Variants in OR4Q3 observed in about 807,000 individuals in gnomAD.
The protein encoded by OR4Q3 is olfactory receptor family 4 subfamily Q member 3, also known as olfactory receptor 4Q3.
A neutral mutation model predicts 18.8 loss-of-function variants in OR4Q3; 17 were observed. The ratio of observed to expected loss-of-function variants is 0.91; its 90% CI spans 0.62 to 1.36. The LOEUF is 1.36. Ranked by LOEUF, OR4Q3 falls within the 40% of genes most tolerant of loss-of-function variation. The pLI is 0.00. For synonymous variants in OR4Q3, 158 were observed against 145.8 expected (o/e 1.08, Z -0.60); for missense variants, 378 against 373.4 (o/e 1.01, Z -0.10).
At chr14:19,744,045 A>G (rs1216614725) in intron 1 of OR4Q3, among the ~76,000 whole-genome samples, 3 of 151,292 alleles carry the variant, frequency 2.0e-5, no homozygotes, top group Admixed American at 6.6e-5. Context: ...TTTAATTATT[A>G]AAGTTTCTTT....
At chr14:19,744,656 T>A (rs1326060321) in intron 1 of OR4Q3, among the ~76,000 whole-genome samples, 1 of 152,200 alleles carries the variant, frequency 6.6e-6, no homozygotes, top group East Asian at 1.9e-4. Context: ...AATATTTTTA[T>A]TGACTTTTTC....
chr14:19,748,358 T>C lies in OR4Q3; in HGVS notation c.955T>C (p.Leu319=). 2,923 of 1,604,818 alleles carry C rather than the reference T, an allele frequency of 1.8e-3. 10 individuals are homozygous for C. Among genetic ancestry groups the C allele is most frequent in the Non-Finnish European group, 1.8e-3 (2,158 of 1,174,620 alleles). The change falls in exon 2 of 2, where the codon TTG becomes CTG. Residue 319 remains leucine (L), a synonymous_variant. Coordinates refer to ENST00000642117, the Ensembl canonical transcript of OR4Q3. ...GAGGATAAAACCATGTGGCATTCCATTGCCTTGTTAAGGAATGAGCAGAAG... is the reference window on the plus strand; with the variant it reads ...GAGGATAAAACCATGTGGCATTCCACTGCCTTGTTAAGGAATGAGCAGAAG...
intron 1 of OR4Q3, among the ~76,000 whole-genome samples, chr14:19,746,689 A>C: frequency 6.6e-6 from 1 of 152,224 alleles, no homozygotes; most frequent in Non-Finnish European, 1.5e-5. Context: ...CTGGGATAGT[A>C]AAGACAAAAA....
exon 2 of OR4Q3, chr14:19,747,969 A>T: frequency 1.5e-5 from 25 of 1,613,930 alleles, no homozygotes; most frequent in Non-Finnish European, 2.1e-5. Context: ...TTCTACTGTG[A>T]TGTCCCACAA....
intron 1 of OR4Q3, among the ~76,000 whole-genome samples, chr14:19,746,907 A>AG: frequency 1.7e-3 from 257 of 150,750 alleles, no homozygotes; most frequent in African/African-American, 5.8e-3. Flanking sequence ...TGAGAGATTT[A>AG]GTTTTTTTTA....
exon 2 of OR4Q3, chr14:19,748,247 T>C: frequency 3.1e-6 from 5 of 1,613,914 alleles, no homozygotes; most frequent in Non-Finnish European, 4.2e-6. Context: ...GATATTCTCC[T>C]TGTTTTACAC....
chr14:19,748,177 G>C, exon 2 of OR4Q3: 1 of 1,613,968 alleles, frequency 6.2e-7, no homozygotes, highest in Non-Finnish European at 8.5e-7. Flanking sequence ...TGGTCAGCCT[G>C]ATCTTCGTGC....
intron 1 of OR4Q3, among the ~76,000 whole-genome samples, chr14:19,745,576 G>T: frequency 1.3e-5 from 2 of 151,916 alleles, no homozygotes; most frequent in African/African-American, 4.8e-5. Context: ...AAATAACTTT[G>T]GTTTCTCTTT....
downstream of OR4Q3, among the ~76,000 whole-genome samples, chr14:19,751,138 G>C: frequency 6.7e-4 from 102 of 152,324 alleles, no homozygotes; most frequent in Middle Eastern, 0.014. Flanking sequence ...CCAGTTGATA[G>C]CTGGAATTGG....
At chr14:19,748,335 G>T in exon 2 of OR4Q3, 1 of 1,611,832 alleles carries the variant, frequency 6.2e-7, no homozygotes, top group Non-Finnish European at 8.5e-7. Flanking sequence ...AAGAAGCTGA[G>T]GATAAAACCA....
exon 2 of OR4Q3, chr14:19,748,241 T>G: frequency 6.2e-7 from 1 of 1,614,016 alleles, no homozygotes; most frequent in Non-Finnish European, 8.5e-7. Flanking sequence ...GGATAAGATA[T>G]TCTCCTTGTT....
downstream of OR4Q3, among the ~76,000 whole-genome samples, chr14:19,751,998 C>A: frequency 2.0e-5 from 3 of 152,186 alleles, no homozygotes; most frequent in Non-Finnish European, 4.4e-5. Context: ...TAGACCCTTG[C>A]TTTTCAGCAT....
exon 2 of OR4Q3, chr14:19,747,608 T>C: frequency 6.2e-7 from 1 of 1,614,050 alleles, no homozygotes. Flanking sequence ...ATCTCCTATG[T>C]ATTATTTTTT....
At chr14:19,748,797 T>C in exon 2 of OR4Q3, 2 of 172,240 alleles carry the variant, frequency 1.2e-5, no homozygotes, top group African/African-American at 4.8e-5. Context: ...TCTCATCAGA[T>C]CCTTTTCTGA....
downstream of OR4Q3, chr14:19,749,615 A>AAAAAAAAAAAAAAAAAAAAAAAC: frequency 6.8e-6 from 1 of 147,580 alleles, no homozygotes; most frequent in Non-Finnish European, 1.5e-5. Context: ...AAAAAAAAAA[A>AAAAAAAAAAAAAAAAAAAAAAAC]AAAAAAAAAA....
At chr14:19,748,980 G>C in exon 2 of OR4Q3, 3 of 153,088 alleles carry the variant, frequency 2.0e-5, no homozygotes. Flanking sequence ...TGAGAGAAAG[G>C]AAGTCCAGGA....
downstream of OR4Q3, among the ~76,000 whole-genome samples, chr14:19,749,707 T>C: frequency 2.7e-5 from 4 of 150,226 alleles, no homozygotes; most frequent in African/African-American, 7.3e-5. Flanking sequence ...ATCCCAATTA[T>C]ACAGATTGCT....
intron 1 of OR4Q3, among the ~76,000 whole-genome samples, chr14:19,747,108 A>G: frequency 2.0e-5 from 3 of 152,228 alleles, no homozygotes; most frequent in Non-Finnish European, 4.4e-5. Flanking sequence ...TCCTTAGAGG[A>G]CATTATTCTG....
chr14:19,746,885 A>T, intron 1 of OR4Q3, among the ~76,000 whole-genome samples: 1 of 152,072 alleles, frequency 6.6e-6, no homozygotes, highest in Non-Finnish European at 1.5e-5. Flanking sequence ...TGAGTAAGAT[A>T]TTTCCTCATC....
Sources: allele counts gnomAD v4.1 joint callset (sites outside exome capture counted in the v4.1 genomes callset), GRCh38; gene constraint gnomAD v4.1.1; transcripts MANE v1.5; gene names NCBI Gene and HGNC (gene_info 2026-07-23, HGNC 2026-07-21).